ACOT12: variants seen among roughly 807,000 people sequenced by gnomAD.
The protein encoded by ACOT12 is acetyl-coenzyme A thioesterase.
ACOT12 carries 51 observed loss-of-function variants against 67.7 expected under a neutral mutation model. The observed-to-expected ratio is 0.75, with a 90% CI of 0.60 to 0.95. ACOT12 has a LOEUF of 0.95. Among genes scored for constraint, ACOT12 ranks in the 40% least tolerant of loss-of-function variants. The pLI is 0.00. For missense variants in ACOT12, 734 were observed against 708.1 expected (o/e 1.04, Z -0.41); for synonymous variants, 251 against 244.6 (o/e 1.03, Z -0.24).
intron 5 of ACOT12, among the ~76,000 whole-genome samples, chr5:81,356,666 A>G (rs1242784768): frequency 6.6e-6 from 1 of 151,916 alleles, no homozygotes; most frequent in African/African-American, 2.4e-5. Flanking sequence ...AGTTCATGGC[A>G]CAACTGCTAA....
intron 1 of ACOT12, among the ~76,000 whole-genome samples, chr5:81,391,335 T>C (rs992056157): frequency 3.9e-5 from 6 of 152,240 alleles, no homozygotes; most frequent in African/African-American, 1.2e-4. Flanking sequence ...ATCAGAACTA[T>C]AGCTGGGAGC....
chr5:81,362,677 A>G (rs1465550057), intron 4 of ACOT12, among the ~76,000 whole-genome samples: 2 of 152,186 alleles, frequency 1.3e-5, no homozygotes, highest in African/African-American at 4.8e-5. Context: ...GATGCCAGGA[A>G]AAACAGAATG....
At chr5:81,376,868 G>A (rs942125698) in intron 2 of ACOT12, among the ~76,000 whole-genome samples, 1 of 152,078 alleles carries the variant, frequency 6.6e-6, no homozygotes, top group Admixed American at 6.6e-5. Context: ...ACCAAAAAAA[G>A]TCCAGGCCCA....
the ACOT12 span, among the ~76,000 whole-genome samples, chr5:81,316,688 T>C: frequency 6.6e-6 from 1 of 152,048 alleles, no homozygotes; most frequent in Non-Finnish European, 1.5e-5. Context: ...TGTATGAGAG[T>C]TTCAATTCTC....
chr5:81,318,290 TTAGAG>T, the ACOT12 span, among the ~76,000 whole-genome samples: 1 of 152,212 alleles, frequency 6.6e-6, no homozygotes, highest in Non-Finnish European at 1.5e-5. Context: ...GTTGAAAATT[TTAGAG>T]TATTCTTTCT....
the ACOT12 span, among the ~76,000 whole-genome samples, chr5:81,320,006 G>A: frequency 6.6e-6 from 1 of 152,156 alleles, no homozygotes; most frequent in Non-Finnish European, 1.5e-5. Context: ...AAATGATAGT[G>A]TCTTAGACTA....
chr5:81,373,817 A>T (rs1202953658), intron 2 of ACOT12, among the ~76,000 whole-genome samples: 1 of 152,152 alleles, frequency 6.6e-6, no homozygotes, highest in East Asian at 1.9e-4. Context: ...CTGCCTCTCT[A>T]GATTCCTCCT....
chr5:81,359,251 G>A (rs1266015825), intron 5 of ACOT12, among the ~76,000 whole-genome samples: 1 of 152,098 alleles, frequency 6.6e-6, no homozygotes, highest in Non-Finnish European at 1.5e-5. Context: ...GCACCCCTTG[G>A]GGCTTCAGAA....
intron 3 of ACOT12, among the ~76,000 whole-genome samples, chr5:81,371,530 G>C (rs560277566): frequency 6.6e-6 from 1 of 152,234 alleles, no homozygotes; most frequent in South Asian, 2.1e-4. Context: ...TGGGATTATA[G>C]GTGTGAGCTA....
the ACOT12 span, chr5:81,312,626 A>G: frequency 6.2e-7 from 1 of 1,613,946 alleles, no homozygotes; most frequent in Non-Finnish European, 8.5e-7. Context: ...AACCGCAAAA[A>G]CCCAAAACAA....
the ACOT12 span, among the ~76,000 whole-genome samples, chr5:81,314,754 G>C: frequency 3.3e-5 from 5 of 152,138 alleles, no homozygotes; most frequent in African/African-American, 1.2e-4. Context: ...GGAGACTTAG[G>C]GAAAATACCA....
downstream of ACOT12, among the ~76,000 whole-genome samples, chr5:81,327,920 A>T (rs760645766): frequency 9.2e-5 from 14 of 152,176 alleles, no homozygotes; most frequent in African/African-American, 1.4e-4. Context: ...CAGGGGGCTG[A>T]CTGCTGATGA....
chr5:81,362,657 G>A (rs1759952752), intron 4 of ACOT12, among the ~76,000 whole-genome samples: 1 of 152,120 alleles, frequency 6.6e-6, no homozygotes, highest in Non-Finnish European at 1.5e-5. Context: ...AGAGTCTGGA[G>A]ATTTGTGGGG....
chr5:81,328,828 T>C (rs778385350), downstream of ACOT12, among the ~76,000 whole-genome samples: 3 of 152,172 alleles, frequency 2.0e-5, no homozygotes, highest in Non-Finnish European at 4.4e-5. Context: ...ACAAACTGAA[T>C]AGAACAGCAC....
chr5:81,321,117 G>C, the ACOT12 span, among the ~76,000 whole-genome samples: 2 of 152,102 alleles, frequency 1.3e-5, no homozygotes, highest in Non-Finnish European at 2.9e-5. Context: ...TCAGCAGAAC[G>C]TGGTGGCTTG....
At chr5:81,348,660 G>A (rs1266684878) in intron 5 of ACOT12, among the ~76,000 whole-genome samples, 1 of 152,150 alleles carries the variant, frequency 6.6e-6, no homozygotes, top group Non-Finnish European at 1.5e-5. Flanking sequence ...AGCCTCCCAG[G>A]TTCAAGCAAT....
intron 4 of ACOT12, among the ~76,000 whole-genome samples, chr5:81,361,077 C>CAAAAAAAAA (rs71000820): frequency 2.3e-4 from 12 of 52,582 alleles, no homozygotes; most frequent in South Asian, 9.9e-4. Flanking sequence ...GACTCCATCT[C>CAAAAAAAAA]AAAAAAAAAA....
downstream of ACOT12, among the ~76,000 whole-genome samples, chr5:81,326,117 CTTTTTTTTT>C (rs1199895738): frequency 1.3e-5 from 1 of 77,046 alleles, no homozygotes; most frequent in Middle Eastern, 0.015. Flanking sequence ...CCCTGAGATT[CTTTTTTTTT>C]TTTTTTTTTT....
chr5:81,351,986 C>A (rs1050118079), intron 5 of ACOT12, among the ~76,000 whole-genome samples: 2 of 152,132 alleles, frequency 1.3e-5, no homozygotes, highest in African/African-American at 4.8e-5. Context: ...ATGCAAATGG[C>A]AAACAGGCAT....
Sources: allele counts gnomAD v4.1 joint callset (sites outside exome capture counted in the v4.1 genomes callset), GRCh38; gene constraint gnomAD v4.1.1; transcripts MANE v1.5; gene names NCBI Gene and HGNC (gene_info 2026-07-23, HGNC 2026-07-21).